SCAMP1: variants seen among roughly 807,000 people sequenced by gnomAD.
SCAMP1 encodes secretory carrier-associated membrane protein 1.
In SCAMP1, 15 loss-of-function variants were observed where a neutral mutation model predicts 41.8. That is an observed-to-expected ratio of 0.36 (90% CI 0.24 to 0.55). SCAMP1 has a LOEUF of 0.55. Ranked by LOEUF, SCAMP1 falls within the 20% of genes least tolerant of loss-of-function variation. The pLI is 0.86. For missense variants in SCAMP1, 341 were observed against 412.6 expected, an observed-to-expected ratio of 0.83 and a Z score of 1.50; for synonymous variants, 135 against 136.8, an observed-to-expected ratio of 0.99 and a Z score of 0.09.
In SCAMP1 at chr5:78,460,805, C is replaced by CTTTGGTT. The variant is rs1561287195; in HGVS notation, c.852+1444_852+1445insTTGGTTT. Among the ~76,000 whole-genome samples, 4 of 38,326 alleles carry CTTTGGTT rather than the reference C, an allele frequency of 1.0e-4. 1 individual carries two copies. The highest frequency in any genetic ancestry group is 5.3e-4 in the African/African-American group (4 of 7,506). 25.1% of individuals were successfully genotyped at this position (38,326 alleles called of 152,430 possible). On this transcript the variant is annotated intron_variant, in intron 8 of 8. Coordinates refer to ENST00000621999, the MANE Select transcript of SCAMP1 (RefSeq NM_004866.6). Reference sequence around the variant, plus strand: ...CCTTCCTTCCTTCCTTCCTTCCTTCCTCCCTTCCTTCCTTCCTTTCTTGTC... The same window carrying CTTTGGTT: ...CCTTCCTTCCTTCCTTCCTTCCTTCCTTTGGTTTCCCTTCCTTCCTTCCTTTCTTGTC...
chr5:78,383,678 T>C (rs1243413231), intron 1 of SCAMP1, among the ~76,000 whole-genome samples: 1 of 152,204 alleles, frequency 6.6e-6, no homozygotes, highest in Non-Finnish European at 1.5e-5. Context: ...GCACCATTTG[T>C]TGAATAGGGT....
intron 8 of SCAMP1, among the ~76,000 whole-genome samples, chr5:78,474,456 G>T (rs1005156572): frequency 1.3e-5 from 2 of 152,156 alleles, no homozygotes; most frequent in African/African-American, 4.8e-5. Flanking sequence ...CTTATCATCT[G>T]CCTTCTCCCC....
chr5:78,402,150 T>C (rs774002977), intron 2 of SCAMP1, among the ~76,000 whole-genome samples: 35 of 152,110 alleles, frequency 2.3e-4, no homozygotes, highest in Non-Finnish European at 4.1e-4. Flanking sequence ...CTTCTTGTTA[T>C]TGATTTCTCA....
At chr5:78,472,874 C>T (rs1011225410) in intron 8 of SCAMP1, among the ~76,000 whole-genome samples, 2 of 152,194 alleles carry the variant, frequency 1.3e-5, no homozygotes, top group Non-Finnish European at 2.9e-5. Context: ...ATTACATGCT[C>T]ACAAACTTGG....
At chr5:78,381,938 A>C (rs1449365209) in intron 1 of SCAMP1, among the ~76,000 whole-genome samples, 1 of 152,214 alleles carries the variant, frequency 6.6e-6, no homozygotes, top group Non-Finnish European at 1.5e-5. Context: ...GAAATGGATA[A>C]AGGACAGAGG....
Position 78,434,835 on chromosome 5 carries a change from G to C in SCAMP1, c.632+12875G>C, listed in dbSNP as rs1269083362. On this transcript the variant is annotated intron_variant, in intron 6 of 8. Transcript: ENST00000621999. ...TCCCTGTTACTGTTACAGTATTTGA[G>C]GTTTATAATAAGTATAAAAATAACA... Among the ~76,000 whole-genome samples, 4 of 152,010 alleles carry C rather than the reference G, an allele frequency of 2.6e-5. No individual in the cohort carries two copies. In the East Asian group the frequency reaches 7.7e-4, roughly 29 times the overall value.
chr5:78,428,588 G>A (rs1238313466), intron 6 of SCAMP1, among the ~76,000 whole-genome samples: 1 of 152,018 alleles, frequency 6.6e-6, no homozygotes, highest in Non-Finnish European at 1.5e-5. Flanking sequence ...TGGCTATTCA[G>A]AGTCCTTTGC....
At chr5:78,460,799 TCCTTCCTCCCTTCCTTC>T (rs1753578789) in intron 8 of SCAMP1, among the ~76,000 whole-genome samples, 1 of 45,036 alleles carries the variant, frequency 2.2e-5, no homozygotes, top group African/African-American at 9.3e-5. Flanking sequence ...CTTCCTTCCT[TCCTTCCTCCCTTCCTTC>T]CTTCCTTTCT....
At chr5:78,418,415 A>G (rs1021527954) in intron 4 of SCAMP1, among the ~76,000 whole-genome samples, 2 of 152,200 alleles carry the variant, frequency 1.3e-5, no homozygotes, top group Non-Finnish European at 2.9e-5. Flanking sequence ...TGGCCCTTTC[A>G]TGCCAGCCAG....
intron 7 of SCAMP1, among the ~76,000 whole-genome samples, chr5:78,450,879 G>A (rs1322821597): frequency 2.0e-5 from 3 of 152,180 alleles, no homozygotes; most frequent in Non-Finnish European, 4.4e-5. Flanking sequence ...ACTCCTGGCA[G>A]TTCTGCAGAG....
Position 78,479,178 on chromosome 5 carries a change from T to C in SCAMP1, c.*3510T>C, listed in dbSNP as rs1754074405. 6.6e-6 allele frequency: 1 copy of C among 152,206 alleles called. No individual in the cohort carries two copies. Among genetic ancestry groups the C allele is most frequent in the African/African-American group, 2.4e-5 (1 of 41,462 alleles). 9.4% of individuals were successfully genotyped at this position (152,206 alleles called of 1,614,324 possible). A position where few individuals can be genotyped will look rare whatever the true frequency, so the allele number is the denominator to read the frequency against. On this transcript the variant is annotated 3_prime_UTR_variant, in exon 9 of 9. Coordinates refer to ENST00000621999, the MANE Select transcript of SCAMP1 (RefSeq NM_004866.6). Reference sequence around the variant, plus strand: ...CCTTAGAGTTACCATGGCTGTCATATACCATTTCACTATATCTCCTTTCAG... The same window carrying C: ...CCTTAGAGTTACCATGGCTGTCATACACCATTTCACTATATCTCCTTTCAG...
At chr5:78,403,393 CAT>C (rs1385229768) in intron 2 of SCAMP1, among the ~76,000 whole-genome samples, 2 of 152,012 alleles carry the variant, frequency 1.3e-5, no homozygotes, top group Admixed American at 1.3e-4. Flanking sequence ...CATATATAAA[CAT>C]ATATATGTAT....
chr5:78,423,016 G>GCGCA (rs1204660636), intron 6 of SCAMP1, among the ~76,000 whole-genome samples: 25 of 33,344 alleles, frequency 7.5e-4, no homozygotes, highest in Admixed American at 1.2e-3. Context: ...ACGCGCGCGC[G>GCGCA]CACACACACA....
intron 2 of SCAMP1, among the ~76,000 whole-genome samples, chr5:78,401,784 T>G (rs1348377178): frequency 6.6e-6 from 1 of 152,070 alleles, no homozygotes; most frequent in East Asian, 1.9e-4. Context: ...AAAAGCCAGG[T>G]TTTCATTTTG....
At chr5:78,407,814 A>G (rs1180942850) in intron 2 of SCAMP1, among the ~76,000 whole-genome samples, 1 of 152,140 alleles carries the variant, frequency 6.6e-6, no homozygotes, top group African/African-American at 2.4e-5. Context: ...TTATAATTTA[A>G]AAGTCATTAT....
At chr5:78,413,108 C>G (rs115908046) in intron 2 of SCAMP1, among the ~76,000 whole-genome samples, 2,467 of 152,124 alleles carry the variant, frequency 0.016, 64 homozygotes, top group African/African-American at 0.057. Context: ...ATGAATTTAC[C>G]TCGAATTAAT....
intron 6 of SCAMP1, among the ~76,000 whole-genome samples, chr5:78,445,953 G>T (rs917500070): frequency 6.6e-6 from 1 of 152,102 alleles, no homozygotes; most frequent in Non-Finnish European, 1.5e-5. Flanking sequence ...ATAATTATTC[G>T]TATTAACGGT....
chr5:78,376,608 T>TA (rs1462495515), intron 1 of SCAMP1, among the ~76,000 whole-genome samples: 1 of 152,220 alleles, frequency 6.6e-6, no homozygotes, highest in Non-Finnish European at 1.5e-5. Flanking sequence ...CCCAAGTATT[T>TA]AAAAATTTCA....
At chr5:78,386,840 T>G (rs1751353653) in intron 1 of SCAMP1, among the ~76,000 whole-genome samples, 1 of 152,208 alleles carries the variant, frequency 6.6e-6, no homozygotes, top group Non-Finnish European at 1.5e-5. Context: ...ATCTGATAGA[T>G]TTTTCTTTAT....
Sources: allele counts gnomAD v4.1 joint callset (sites outside exome capture counted in the v4.1 genomes callset), GRCh38; gene constraint gnomAD v4.1.1; transcripts MANE v1.5; gene names NCBI Gene and HGNC (gene_info 2026-07-23, HGNC 2026-07-21).